Variants in RIF1 observed in about 807,000 individuals in gnomAD.
The protein encoded by RIF1 is telomere-associated protein RIF1.
Under a neutral mutation model 247.1 loss-of-function variants are expected in RIF1, and 45 were observed. The ratio of observed to expected loss-of-function variants is 0.18; its 90% confidence interval spans 0.14 to 0.23. The LOEUF is 0.23. Ranked by LOEUF, RIF1 falls within the 10% of genes least tolerant of loss-of-function variation. RIF1 has a pLI of 1.00. For missense variants in RIF1, 2,967 were observed against 2,862.5 expected, an observed-to-expected ratio of 1.04 and a Z score of -0.83; for synonymous variants, 1,087 against 978.8, an observed-to-expected ratio of 1.11 and a Z score of -2.06.
intron 15 of RIF1, among the ~76,000 whole-genome samples, chr2:151,441,315 G>A (rs998342274): frequency 5.3e-5 from 8 of 152,124 alleles, no homozygotes; most frequent in African/African-American, 1.7e-4. Flanking sequence ...ACTATTAGCA[G>A]TCCTTTGAAT....
chr2:151,459,981 T>C lies in RIF1; in HGVS notation c.2956-19T>C. 1 of 1,508,882 alleles carries C rather than the reference T, an allele frequency of 6.6e-7. No homozygotes were observed. The highest frequency in any genetic ancestry group is 8.9e-7 in the Non-Finnish European group (1 of 1,120,580). The allele number at this position is 1,508,882 out of a possible 1,614,324, so 93.5% of individuals were successfully genotyped here. On this transcript the variant is annotated intron_variant, in intron 25 of 35. Transcript: ENST00000444746. ...TTACCGTTCTATTTAATGAAATTGT[T>C]TCATTTTTAATAAAACAGACAGAAA... is the stretch of plus-strand genomic sequence containing the variant.
At chr2:151,472,565 G>C (rs994715783) in intron 34 of RIF1, among the ~76,000 whole-genome samples, 1 of 152,126 alleles carries the variant, frequency 6.6e-6, no homozygotes, top group African/African-American at 2.4e-5. Flanking sequence ...AGTTTATTGA[G>C]AGTTTTTAGC....
intron 26 of RIF1, 68 bp from the exon 27 acceptor site, chr2:151,461,070 G>A: frequency 7.1e-7 from 1 of 1,402,332 alleles, no homozygotes; most frequent in East Asian, 2.3e-5. Context: ...TTAGAGGAGA[G>A]TGATAGAAAT....
At chr2:151,527,658 G>A in the RIF1 span, 4 of 1,059,378 alleles carry the variant, frequency 3.8e-6, no homozygotes, top group Non-Finnish European at 5.6e-6. Flanking sequence ...ATGGCACAGA[G>A]GGGCTCTTGC....
At chr2:151,442,307 C>T (rs183701614) in intron 16 of RIF1, among the ~76,000 whole-genome samples, 3 of 150,600 alleles carry the variant, frequency 2.0e-5, no homozygotes, top group African/African-American at 7.3e-5. Context: ...CTCCTAACCT[C>T]GGGTGATCCC....
intron 34 of RIF1, 51 bp from the exon 35 acceptor site, chr2:151,473,913 A>T (rs1422102355): frequency 1.1e-6 from 1 of 920,164 alleles, no homozygotes; most frequent in Non-Finnish European, 1.8e-6. Context: ...TAAAGTTTCA[A>T]TTTGTTGTTG....
chr2:151,414,149 C>CA (rs1026089244), intron 3 of RIF1, among the ~76,000 whole-genome samples: 3 of 151,902 alleles, frequency 2.0e-5, no homozygotes, highest in South Asian at 2.1e-4. Flanking sequence ...CCCATCTCTA[C>CA]AAAAAATACA....
chr2:151,470,810 A>G (rs1460047062), intron 34 of RIF1, among the ~76,000 whole-genome samples: 1 of 152,100 alleles, frequency 6.6e-6, no homozygotes, highest in Non-Finnish European at 1.5e-5. Context: ...CAATACTACT[A>G]GTAATTTTCT....
chr2:151,516,644 A>G, the RIF1 span: 11 of 916,536 alleles, frequency 1.2e-5, no homozygotes, highest in Middle Eastern at 2.2e-4. Context: ...TTTTTAATTG[A>G]TATGTTCTGT....
intron 20 of RIF1, among the ~76,000 whole-genome samples, chr2:151,451,116 G>T (rs141671669): frequency 6.6e-6 from 1 of 152,178 alleles, no homozygotes; most frequent in African/African-American, 2.4e-5. Flanking sequence ...TTGTAATCAT[G>T]TATGGTCATG....
At chr2:151,523,692 A>C in the RIF1 span, among the ~76,000 whole-genome samples, 359 of 152,286 alleles carry the variant, frequency 2.4e-3, 9 homozygotes, top group East Asian at 0.046. Flanking sequence ...GGTTTGGGCA[A>C]CACATTTCTG....
chr2:151,422,635 A>T (rs1183598028), intron 7 of RIF1, among the ~76,000 whole-genome samples: 4 of 151,510 alleles, frequency 2.6e-5, no homozygotes. Flanking sequence ...GAGTAGCAGG[A>T]ATTATGGGCG....
At chr2:151,520,587 A>G in the RIF1 span, among the ~76,000 whole-genome samples, 1 of 152,212 alleles carries the variant, frequency 6.6e-6, no homozygotes, top group Non-Finnish European at 1.5e-5. Flanking sequence ...GATGATAGCC[A>G]GGTGTGGTGG....
chr2:151,450,437 T>A (rs1694097327), intron 20 of RIF1, among the ~76,000 whole-genome samples: 1 of 152,178 alleles, frequency 6.6e-6, no homozygotes, highest in Non-Finnish European at 1.5e-5. Flanking sequence ...GCCATATTGT[T>A]ATACATTAGA....
At chr2:151,501,835 G>A (rs1434670583) in intron 11 of RIF1, among the ~76,000 whole-genome samples, 2 of 151,926 alleles carry the variant, frequency 1.3e-5, no homozygotes, top group African/African-American at 2.4e-5. Flanking sequence ...AAAGAAAGAG[G>A]AGAGAGAGAG....
chr2:151,438,518 G>A (rs548651208), intron 13 of RIF1, among the ~76,000 whole-genome samples, 166 bp from the exon 14 acceptor site: 1 of 152,312 alleles, frequency 6.6e-6, no homozygotes, highest in Admixed American at 6.5e-5. Context: ...AAAACGAAGT[G>A]ATAGTGTTTT....
the RIF1 span, among the ~76,000 whole-genome samples, chr2:151,517,061 G>A: frequency 3.3e-5 from 5 of 152,168 alleles, no homozygotes; most frequent in Non-Finnish European, 7.3e-5. Flanking sequence ...ACAACTCTAT[G>A]TGGGTCCTGA....
chr2:151,413,002 CACTTTCGTGTATTGAGTATTTAT>C, intron 3 of RIF1, among the ~76,000 whole-genome samples: 1 of 151,482 alleles, frequency 6.6e-6, no homozygotes, highest in Non-Finnish European at 1.5e-5. Flanking sequence ...TGAAGACATG[CACTTTCGTGTATTGAGTATTTAT>C]AGGATCAGGA....
At chr2:151,501,287 G>T in intron 11 of RIF1, 1 of 768,872 alleles carries the variant, frequency 1.3e-6, no homozygotes, top group African/African-American at 1.8e-5. Flanking sequence ...ATTAAAAAAA[G>T]ATTTTGTTAA....
Sources: gnomAD v4.1 joint callset for allele counts (sites outside exome capture counted in the v4.1 genomes callset) on GRCh38, gnomAD v4.1.1 for gene constraint, MANE v1.5 for transcripts, NCBI Gene and HGNC (gene_info 2026-07-23, HGNC 2026-07-21) for gene names.